NR3C2: variants seen among roughly 807,000 people sequenced by gnomAD.
NR3C2 encodes the protein mineralocorticoid receptor.
A neutral mutation model predicts 86.4 loss-of-function variants in NR3C2; 15 were observed. That is an observed-to-expected ratio of 0.17 (90% CI 0.12 to 0.27). The LOEUF (loss-of-function observed/expected upper bound fraction) is 0.27. Ranked by LOEUF, NR3C2 falls within the 10% of genes least tolerant of loss-of-function variation. NR3C2 has a pLI of 1.00. For missense variants in NR3C2, 960 were observed against 1,195.6 expected (o/e 0.80, Z 2.91); for synonymous variants, 458 against 450.5 (o/e 1.02, Z -0.21).
intron 2 of NR3C2, among the ~76,000 whole-genome samples, chr4:148,286,715 A>G (rs910158417): frequency 6.6e-6 from 1 of 152,188 alleles, no homozygotes; most frequent in African/African-American, 2.4e-5. Context: ...GGGATGAGAT[A>G]CAGGGTTAAA....
chr4:148,095,100 C>T (rs10025943), intron 8 of NR3C2, among the ~76,000 whole-genome samples: 35,116 of 152,154 alleles, frequency 0.23, 4,931 homozygotes, highest in African/African-American at 0.39. Context: ...GATGGTTGCA[C>T]AACTATGTGA....
intron 2 of NR3C2, among the ~76,000 whole-genome samples, chr4:148,401,261 C>G (rs139862596): frequency 2.6e-5 from 4 of 152,078 alleles, no homozygotes; most frequent in African/African-American, 9.7e-5. Flanking sequence ...CCATCTGATG[C>G]GGAAGCATGG....
chr4:148,199,080 CA>C (rs60075012), intron 3 of NR3C2, among the ~76,000 whole-genome samples: 1,648 of 37,520 alleles, frequency 0.044, 10 homozygotes, highest in Non-Finnish European at 0.068. Context: ...GACTCCATCT[CA>C]AAAAAAAAAA....
chr4:148,442,455 A>G (rs1285053761), upstream of NR3C2: 1 of 175,858 alleles, frequency 5.7e-6, no homozygotes, highest in Non-Finnish European at 1.1e-5. Context: ...CGGGCAAAAA[A>G]GGGAGGGAGA....
intron 6 of NR3C2, among the ~76,000 whole-genome samples, chr4:148,135,342 A>AG (rs1328949113): frequency 1.3e-5 from 2 of 152,030 alleles, no homozygotes; most frequent in East Asian, 1.9e-4. Context: ...AAAGGGGTTG[A>AG]GGGGGGTGAG....
rs188108627 is a variant in NR3C2 at position 148,326,080 on chromosome 4, A to G, written c.1758-65963T>C. Among the ~76,000 whole-genome samples the G allele has an allele frequency of 1.8e-3, 274 of 152,282 alleles. 1 individual carries two copies. The highest frequency in any genetic ancestry group is 3.3e-3 in the Non-Finnish European group (227 of 68,016). The stretch of plus-strand genomic sequence containing the variant: ...ATGGACGCAGGTTGGGGTAAAAACT[A>G]CAGATGTTTCATTTTAAAATACTTT... On this transcript the variant is annotated intron_variant, in intron 2 of 8. Coordinates refer to ENST00000358102, the MANE Select transcript of NR3C2 (RefSeq NM_000901.5).
At chr4:148,373,850 T>G (rs951422331) in intron 2 of NR3C2, among the ~76,000 whole-genome samples, 1 of 152,206 alleles carries the variant, frequency 6.6e-6, no homozygotes, top group East Asian at 1.9e-4. Flanking sequence ...ACTCAGTTAA[T>G]AGGATATATC....
chr4:148,437,554 G>A (rs944934578), intron 1 of NR3C2, among the ~76,000 whole-genome samples: 3 of 152,070 alleles, frequency 2.0e-5, no homozygotes, highest in African/African-American at 7.2e-5. Context: ...ATCTCAGAAG[G>A]GCTGTATGAC....
At chr4:148,429,467 C>G (rs924468113) in intron 2 of NR3C2, among the ~76,000 whole-genome samples, 4 of 152,164 alleles carry the variant, frequency 2.6e-5, no homozygotes, top group Non-Finnish European at 5.9e-5. Context: ...CCTTAAACTA[C>G]AGTTTTCTAT....
chr4:148,264,921 T>C (rs551455903), intron 2 of NR3C2, among the ~76,000 whole-genome samples: 2 of 152,328 alleles, frequency 1.3e-5, no homozygotes, highest in East Asian at 1.9e-4. Flanking sequence ...GTGCTGCTGA[T>C]TTTGGTTAAA....
At chr4:148,267,144 G>A (rs1327719352) in intron 2 of NR3C2, among the ~76,000 whole-genome samples, 2 of 152,098 alleles carry the variant, frequency 1.3e-5, no homozygotes, top group African/African-American at 4.8e-5. Flanking sequence ...GATAGCAAAG[G>A]TCCTACCATA....
In NR3C2 at chr4:148,316,836, C is replaced by A. The variant is rs146807069; in HGVS notation, c.1758-56719G>T. On this transcript the variant is annotated intron_variant, in intron 2 of 8. Transcript: ENST00000358102. Reference sequence around the variant, plus strand: ...TTGTTTTCTGAGACAGGCTCTCGCTCTGTTGCCCAGGATGGGATGTAGTGG... The same window carrying A: ...TTGTTTTCTGAGACAGGCTCTCGCTATGTTGCCCAGGATGGGATGTAGTGG... Among the ~76,000 whole-genome samples the A allele has an allele frequency of 1.6e-3, 245 of 152,218 alleles. 1 individual carries two copies. Among genetic ancestry groups the A allele is most frequent in the African/African-American group, 5.5e-3 (227 of 41,544 alleles).
intron 2 of NR3C2, among the ~76,000 whole-genome samples, chr4:148,361,828 T>TTTGTTGTTGTTGTCG (rs10528442): frequency 6.6e-6 from 1 of 151,880 alleles, no homozygotes. Flanking sequence ...ACCCTAAAGT[T>TTTGTTGTTGTTGTCG]TTGTTGTTAT....
intron 2 of NR3C2, among the ~76,000 whole-genome samples, chr4:148,358,283 A>G (rs1034315221): frequency 6.6e-6 from 1 of 152,156 alleles, no homozygotes; most frequent in African/African-American, 2.4e-5. Context: ...ATGGAATACT[A>G]TGCAGCCATA....
intron 4 of NR3C2, among the ~76,000 whole-genome samples, chr4:148,187,606 G>T (rs903292711): frequency 1.3e-5 from 2 of 151,878 alleles, no homozygotes; most frequent in Non-Finnish European, 2.9e-5. Context: ...TTAGCCCTTT[G>T]TCAGATGTAC....
chr4:148,351,674 A>G (rs1374327231), intron 2 of NR3C2, among the ~76,000 whole-genome samples: 1 of 152,208 alleles, frequency 6.6e-6, no homozygotes, highest in Non-Finnish European at 1.5e-5. Flanking sequence ...CATCTCCAGC[A>G]TCTTCCCAGG....
intron 2 of NR3C2, among the ~76,000 whole-genome samples, chr4:148,317,541 T>A (rs898278974): frequency 6.6e-6 from 1 of 152,054 alleles, no homozygotes; most frequent in Admixed American, 6.5e-5. Flanking sequence ...AGAAGCTACA[T>A]TAAAAAAATA....
At chr4:148,142,556 G>A (rs1387125018) in intron 6 of NR3C2, among the ~76,000 whole-genome samples, 1 of 152,094 alleles carries the variant, frequency 6.6e-6, no homozygotes, top group East Asian at 1.9e-4. Flanking sequence ...GTGCAGTGGC[G>A]CAACCACGGC....
chr4:148,264,568 G>T (rs755380529), intron 2 of NR3C2, among the ~76,000 whole-genome samples: 5 of 152,210 alleles, frequency 3.3e-5, no homozygotes, highest in Non-Finnish European at 5.9e-5. Context: ...CACTAAGGAG[G>T]CCTGGGCTCT....
Sources: allele counts gnomAD v4.1 joint callset (sites outside exome capture counted in the v4.1 genomes callset), GRCh38; gene constraint gnomAD v4.1.1; transcripts MANE v1.5; gene names NCBI Gene and HGNC (gene_info 2026-07-23, HGNC 2026-07-21).